The following SDCCAG8 variants were observed in gnomAD, a reference collection of about 807,000 sequenced individuals.
SDCCAG8 encodes SHH signaling and ciliogenesis regulator SDCCAG8.
In SDCCAG8, 74 loss-of-function variants were observed where a neutral mutation model predicts 101.8. That is an observed-to-expected ratio of 0.73 (90% CI 0.60 to 0.88). SDCCAG8 has a LOEUF of 0.88. SDCCAG8 is among the 40% of genes least tolerant of loss of function. The probability of loss-of-function intolerance (pLI) is 0.00; values close to 1 mark genes in which losing one functional copy is unlikely to be tolerated. For synonymous variants in SDCCAG8, 281 were observed against 292.9 expected (o/e 0.96, Z 0.41); for missense variants, 787 against 822.6 (o/e 0.96, Z 0.53).
intron 16 of SDCCAG8, among the ~76,000 whole-genome samples, chr1:243,487,243 C>T (rs1053849193): frequency 6.6e-6 from 1 of 152,148 alleles, no homozygotes; most frequent in African/African-American, 2.4e-5. Context: ...CTCTCCCGGC[C>T]GCTCACTGTT....
chr1:243,453,999 C>T (rs1339698311), intron 16 of SDCCAG8, among the ~76,000 whole-genome samples: 14 of 152,066 alleles, frequency 9.2e-5, no homozygotes, highest in Non-Finnish European at 2.1e-4. Context: ...AAGTACCATC[C>T]CATTTGGCAA....
intron 17 of SDCCAG8, among the ~76,000 whole-genome samples, chr1:243,490,091 GA>G (rs1375755147): frequency 6.6e-6 from 1 of 152,186 alleles, no homozygotes; most frequent in African/African-American, 2.4e-5. Context: ...TGATTAATAT[GA>G]AAAATGCATC....
In SDCCAG8 at chr1:243,399,096, T is replaced by A. The variant is rs369956142; in HGVS notation, c.1617-16606T>A. ...ATCTAGAAAATAGTATATAAATTTA[T>A]AAACTTTCTGTGACTCATGATCATC... is the stretch of plus-strand genomic sequence containing the variant. On this transcript the variant is annotated intron_variant, in intron 13 of 17. Coordinates refer to ENST00000366541, the MANE Select transcript of SDCCAG8 (RefSeq NM_006642.5). Among the ~76,000 whole-genome samples the A allele has an allele frequency of 2.0e-5, 3 of 152,348 alleles. No individual in the cohort carries two copies. In the East Asian group the frequency reaches 5.8e-4, roughly 29 times the overall value.
intron 8 of SDCCAG8, among the ~76,000 whole-genome samples, chr1:243,312,706 C>G (rs1358009306): frequency 1.0e-5 from 1 of 99,202 alleles, no homozygotes. Flanking sequence ...AACCTGTCTC[C>G]AAAAAAAAAA....
chr1:243,483,901 C>T (rs1664273111), intron 16 of SDCCAG8, among the ~76,000 whole-genome samples: 1 of 152,174 alleles, frequency 6.6e-6, no homozygotes, highest in Non-Finnish European at 1.5e-5. Context: ...TCGTGCGGGC[C>T]CGGAGAGCTG....
chr1:243,283,903 G>A (rs2069325533), intron 4 of SDCCAG8, among the ~76,000 whole-genome samples: 1 of 152,046 alleles, frequency 6.6e-6, no homozygotes, highest in Non-Finnish European at 1.5e-5. Context: ...ACCACCCCCG[G>A]CTAGTTTTTT....
At chr1:243,307,968 A>AT in intron 7 of SDCCAG8, 21 bp from the exon 8 acceptor site, 1 of 1,612,534 alleles carries the variant, frequency 6.2e-7, no homozygotes, top group East Asian at 2.2e-5. Context: ...ATTTTCTAGA[A>AT]TTTTTTCACC....
intron 13 of SDCCAG8, among the ~76,000 whole-genome samples, chr1:243,383,943 A>G (rs1258021765): frequency 6.6e-6 from 1 of 152,004 alleles, no homozygotes; most frequent in African/African-American, 2.4e-5. Context: ...TAGCTCTATT[A>G]TAATCTTACC....
intron 10 of SDCCAG8, among the ~76,000 whole-genome samples, chr1:243,331,575 T>C (rs1311210846): frequency 6.6e-6 from 1 of 152,200 alleles, no homozygotes; most frequent in Non-Finnish European, 1.5e-5. Flanking sequence ...ACTCAGGCAT[T>C]TCCTGTAAAT....
intron 13 of SDCCAG8, among the ~76,000 whole-genome samples, chr1:243,406,600 A>G (rs1379341011): frequency 1.3e-5 from 2 of 152,184 alleles, no homozygotes; most frequent in Non-Finnish European, 2.9e-5. Context: ...TGTGATCACA[A>G]CACTCCGCTG....
rs190027375 is a variant in SDCCAG8 at position 243,302,819 on chromosome 1, G to A, written c.676-1894G>A. Among the ~76,000 whole-genome samples, 156 of 152,168 alleles carry A rather than the reference G, an allele frequency of 1.0e-3. 1 individual carries two copies. Among genetic ancestry groups the A allele is most frequent in the African/African-American group, 3.4e-3 (143 of 41,534 alleles). ...GCTTATTACATATGGGTACTCTATG[G>A]AAAGCATTTTCAACACAATGGAAGA... On this transcript the variant is annotated intron_variant, in intron 6 of 17. Transcript: ENST00000366541.
intron 5 of SDCCAG8, among the ~76,000 whole-genome samples, chr1:243,287,185 TG>T (rs2069707258): frequency 6.6e-6 from 1 of 152,354 alleles, no homozygotes; most frequent in Admixed American, 6.5e-5. Context: ...AGAGTACTTT[TG>T]TCTTAAACTT....
chr1:243,416,422 G>A lies in SDCCAG8; in HGVS notation c.1744+593G>A, dbSNP rs988697069. Among the ~76,000 whole-genome samples the A allele has an allele frequency of 6.6e-6, 1 of 152,188 alleles. No individual in the cohort carries two copies. Among genetic ancestry groups the A allele is most frequent in the South Asian group, 2.1e-4 (1 of 4,824 alleles). On this transcript the variant is annotated intron_variant, in intron 14 of 17. Transcript: ENST00000366541. This position sits in a 1 kb window ranked among gnomAD's most constrained non-coding sequence, Gnocchi z 4.3. ...TCCTTTATTTAATCTTTGCAGCTTC[G>A]AACATTTTTAGCATTTGTATGATTT... is the stretch of plus-strand genomic sequence containing the variant.
chr1:243,388,600 C>T (rs377751907), intron 13 of SDCCAG8, among the ~76,000 whole-genome samples: 15 of 151,888 alleles, frequency 9.9e-5, no homozygotes, highest in Admixed American at 3.9e-4. Context: ...ATGGCTCATG[C>T]CTGTAATCCC....
chr1:243,474,251 T>G lies in SDCCAG8; in HGVS notation c.1986-14763T>G, dbSNP rs1328361491. ...GGGGAAAGAACTTGGGACGTGAGCA[T>G]GGAGTTAATGAAGCTTTCACCCATC... On this transcript the variant is annotated intron_variant, in intron 16 of 17. Coordinates refer to ENST00000366541, the MANE Select transcript of SDCCAG8 (RefSeq NM_006642.5). The surrounding 1 kb of genome is among the most constrained non-coding windows in gnomAD (Gnocchi z 4.7). Among the ~76,000 whole-genome samples, 5 of 152,160 alleles carry G rather than the reference T, an allele frequency of 3.3e-5. No homozygotes were observed. The East Asian group carries it at 9.6e-4, about 29-fold the overall frequency.
At chr1:243,286,191 T>A in intron 4 of SDCCAG8, 81 bp from the exon 5 acceptor site, 1 of 1,366,926 alleles carries the variant, frequency 7.3e-7, no homozygotes, top group Middle Eastern at 1.9e-4. Context: ...CCGTACTTTA[T>A]ATCATGCTGT....
In SDCCAG8 at chr1:243,434,706, A is replaced by C. The variant is rs115588478; in HGVS notation, c.1985+8148A>C. 8.4e-3 allele frequency among the ~76,000 whole-genome samples: 1,285 copies of C among 152,076 alleles called. 27 individuals carry two copies. The highest frequency in any genetic ancestry group is 0.029 in the African/African-American group (1,197 of 41,460). On this transcript the variant is annotated intron_variant, in intron 16 of 17. Coordinates refer to ENST00000366541, the MANE Select transcript of SDCCAG8 (RefSeq NM_006642.5). ...AATGAGCCAGTTGTATGCATTGAGA[A>C]CTCCCTGTGAGGACTGGAAGTCACG...
At chr1:243,328,628 C>T (rs1481838758) in intron 9 of SDCCAG8, among the ~76,000 whole-genome samples, 2 of 152,160 alleles carry the variant, frequency 1.3e-5, no homozygotes, top group African/African-American at 4.8e-5. Flanking sequence ...TTGCCCATTA[C>T]TCATCATCAG....
At chr1:243,298,828 CT>C (rs1362885750) in intron 6 of SDCCAG8, among the ~76,000 whole-genome samples, 1 of 152,272 alleles carries the variant, frequency 6.6e-6, no homozygotes, top group Admixed American at 6.5e-5. Flanking sequence ...GTTAATTGTG[CT>C]AATACTATAC....
Sources: allele counts gnomAD v4.1 joint callset (sites outside exome capture counted in the v4.1 genomes callset), GRCh38; gene constraint gnomAD v4.1.1; non-coding constraint Gnocchi (gnomAD v3.1); transcripts MANE v1.5; gene names NCBI Gene and HGNC (gene_info 2026-07-23, HGNC 2026-07-21).